Variants in DRC1 observed in about 807,000 individuals in gnomAD.
DRC1 encodes dynein regulatory complex protein 1.
In DRC1, 74 loss-of-function variants were observed where a neutral mutation model predicts 98.7. The ratio of observed to expected loss-of-function variants is 0.75; its 90% confidence interval spans 0.62 to 0.91. The LOEUF is 0.91. Ranked by LOEUF, DRC1 falls within the 40% of genes least tolerant of loss-of-function variation. DRC1 has a pLI of 0.00. For missense variants in DRC1, 875 were observed against 886.0 expected (o/e 0.99, Z 0.16); for synonymous variants, 336 against 334.1 (o/e 1.01, Z -0.06).
intron 1 of DRC1, among the ~76,000 whole-genome samples, 180 bp downstream of exon 1, chr2:26,402,324 C>T (rs996447524): frequency 2.0e-5 from 3 of 152,164 alleles, no homozygotes; most frequent in African/African-American, 4.8e-5. Context: ...CGAGGCGGGC[C>T]GATCACTGGA....
In DRC1 at chr2:26,450,685, A is replaced by C; in HGVS notation, c.1689+4A>C. ...CCGTTTATCTTCCAGCCTCCAGGTA[A>C]GGCAAGGTGCAGAGAGAAGAAAGCA... On this transcript the variant is annotated splice_donor_region_variant and intron_variant, in intron 13 of 16. Transcript: ENST00000288710. 6.3e-7 allele frequency: 1 copy of C among 1,588,768 alleles called. No individual in the cohort carries two copies. The highest frequency in any genetic ancestry group is 8.6e-7 in the Non-Finnish European group (1 of 1,168,568).
chr2:26,452,710 G>GA (rs1664039686), intron 13 of DRC1, among the ~76,000 whole-genome samples: 1 of 152,102 alleles, frequency 6.6e-6, no homozygotes, highest in Non-Finnish European at 1.5e-5. Context: ...AAAACTGTGG[G>GA]AAAAAACCAA....
At chr2:26,419,540 A>T (rs577980110) in intron 2 of DRC1, among the ~76,000 whole-genome samples, 2 of 152,358 alleles carry the variant, frequency 1.3e-5, no homozygotes, top group Non-Finnish European at 2.9e-5. Flanking sequence ...TTAACAAAAA[A>T]TCTAGAGTGC....
Position 26,402,116 on chromosome 2 carries a change from A to T in DRC1, c.127A>T (p.Ile43Phe). 6.2e-7 allele frequency: 1 copy of T among 1,611,176 alleles called. No individual in the cohort carries two copies. Residue 43 changes from isoleucine to phenylalanine, a missense_variant, in exon 1 of 17, where the codon ATC (isoleucine) becomes TTC (phenylalanine). Physicochemically the swap from Ile to Phe is conservative, Grantham distance 21 (BLOSUM62 0). Transcript: ENST00000288710. ...GCGCATCCAGGCCCGGCGCCTCCGCATCGCTGCGCGCTTAGAAGCCCGGAG... is the reference window on the plus strand; with the variant it reads ...GCGCATCCAGGCCCGGCGCCTCCGCTTCGCTGCGCGCTTAGAAGCCCGGAG... ...QERIQARRLR[I>F]AARLEARRRE...
At chr2:26,432,044 G>C in intron 7 of DRC1, 38 bp downstream of exon 7, 1 of 1,601,882 alleles carries the variant, frequency 6.2e-7, no homozygotes, top group Admixed American at 1.7e-5. Context: ...CCTGGGTGGC[G>C]GAGCAGATGG....
Position 26,430,834 on chromosome 2 carries a change from A to G in DRC1, c.727A>G (p.Lys243Glu), listed in dbSNP as rs1180020242. The G allele has an allele frequency of 2.5e-6, 4 of 1,614,068 alleles. No individual in the cohort carries two copies. ...AGAGCTACTGGCCAGTAATAAGAAG[A>G]AATGGGAGCAAGCCCTTCAGGCTCA... The part of the protein sequence containing the change: ...RQELLASNKK[K>E]WEQALQAHNA... The change falls in exon 6 of 17, where the codon AAA becomes GAA. Residue 243 changes from lysine (K) to glutamate (E), a missense_variant. Physicochemically the swap from Lys to Glu is moderately conservative, Grantham distance 56 (BLOSUM62 1). Transcript: ENST00000288710.
intron 7 of DRC1, among the ~76,000 whole-genome samples, chr2:26,439,331 C>T (rs1253858630): frequency 6.6e-6 from 1 of 152,156 alleles, no homozygotes; most frequent in Non-Finnish European, 1.5e-5. Context: ...TCTCATTGGT[C>T]CCATAACGGT....
At chr2:26,424,063 T>C (rs1663220015) in intron 3 of DRC1, among the ~76,000 whole-genome samples, 1 of 152,230 alleles carries the variant, frequency 6.6e-6, no homozygotes, top group South Asian at 2.1e-4. Context: ...TTTTGCTATG[T>C]GTCATTTTCT....
Position 26,424,371 on chromosome 2 carries a change from C to T in DRC1, c.457C>T (p.Leu153=). The change falls in exon 4 of 17, where the codon CTG becomes TTG. Residue 153 remains leucine, a synonymous_variant. Coordinates refer to ENST00000288710, the MANE Select transcript of DRC1 (RefSeq NM_145038.5). The part of the protein sequence containing the change: ...EGKQKRIPQE[L]WEMLNTQQLH... ...CAAGCAGAAGAGAATTCCCCAAGAG[C>T]TGTGGGAAATGCTCAATACCCAACA... The T allele has an allele frequency of 1.2e-6, 2 of 1,613,828 alleles. No homozygotes were observed. The highest frequency in any genetic ancestry group is 1.3e-5 in the African/African-American group (1 of 74,930).
At chr2:26,429,111 A>G (rs1306600157) in intron 4 of DRC1, among the ~76,000 whole-genome samples, 1 of 152,108 alleles carries the variant, frequency 6.6e-6, no homozygotes, top group Non-Finnish European at 1.5e-5. Context: ...AGCAGAGTCC[A>G]TTCCACTCCA....
At chr2:26,428,817 T>A (rs1453735442) in intron 4 of DRC1, among the ~76,000 whole-genome samples, 1 of 152,072 alleles carries the variant, frequency 6.6e-6, no homozygotes, top group Non-Finnish European at 1.5e-5. Flanking sequence ...AAATACCGTA[T>A]TATAATCCTA....
rs775449578 is a variant in DRC1 at position 26,453,559 on chromosome 2, G to C, written c.1919+10G>C. ...GTCTGAAGAAGCCTAGGTGGGCTGC[G>C]GGGCTGGAAGGCTTGCCTGAGACCA... On this transcript the variant is annotated intron_variant, in intron 14 of 16. Transcript: ENST00000288710. 3 of 1,610,324 alleles carry C rather than the reference G, an allele frequency of 1.9e-6. No homozygotes were observed. The highest frequency in any genetic ancestry group is 2.5e-6 in the Non-Finnish European group (3 of 1,177,810).
chr2:26,411,231 C>T (rs1678599494), intron 1 of DRC1, among the ~76,000 whole-genome samples: 3 of 152,216 alleles, frequency 2.0e-5, no homozygotes, highest in African/African-American at 4.8e-5. Context: ...AATACAGTAT[C>T]AGCCACATAT....
chr2:26,444,966 A>T lies in DRC1; in HGVS notation c.1396+18A>T. 1 of 1,611,902 alleles carries T rather than the reference A, an allele frequency of 6.2e-7. No individual in the cohort carries two copies. Among genetic ancestry groups the T allele is most frequent in the Non-Finnish European group, 8.5e-7 (1 of 1,178,988 alleles). ...GCGCTCAGGTGACTAGAACACTGTC[A>T]TAGAGCCTTAGAGCTGGAGGAGCCC... On this transcript the variant is annotated intron_variant, in intron 10 of 16. Transcript: ENST00000288710.
intron 1 of DRC1, among the ~76,000 whole-genome samples, chr2:26,405,649 A>G (rs1021311288): frequency 2.1e-5 from 2 of 96,420 alleles, no homozygotes; most frequent in South Asian, 3.3e-4. Flanking sequence ...TTTAAAGGCT[A>G]TATCTTTTTT....
At chr2:26,429,188 T>G (rs558290144) in intron 4 of DRC1, among the ~76,000 whole-genome samples, 329 of 1,690 alleles carry the variant, frequency 0.19, 3 homozygotes, top group Middle Eastern at 0.5. Flanking sequence ...TACAGATGAT[T>G]ATTATTATTA....
Position 26,450,085 on chromosome 2 carries a change from C to T in DRC1, c.1599C>T (p.Ser533=), listed in dbSNP as rs377416255. The part of the protein sequence containing the change: ...CYLLRLDAIF[S]ALGIESEDDL... ...TGCTGAGGCTGGATGCCATCTTCTC[C>T]GTGAGTCCAACGGGGCTGGGAGGAC... The change falls in exon 12 of 17, where the codon TCC becomes TCT. Residue 533 remains serine, a splice_region_variant and synonymous_variant. Transcript: ENST00000288710. The T allele has an allele frequency of 1.9e-5, 30 of 1,612,098 alleles. No individual in the cohort carries two copies. Among genetic ancestry groups the T allele is most frequent in the African/African-American group, 8.0e-5 (6 of 74,852 alleles).
chr2:26,417,240 T>C (rs984651111), intron 2 of DRC1, among the ~76,000 whole-genome samples: 2 of 152,196 alleles, frequency 1.3e-5, no homozygotes, highest in African/African-American at 4.8e-5. Context: ...CAGTTTTAAT[T>C]ACTGTAGCTT....
intron 4 of DRC1, among the ~76,000 whole-genome samples, chr2:26,425,502 GT>G (rs1439838587): frequency 6.6e-6 from 1 of 152,150 alleles, no homozygotes; most frequent in African/African-American, 2.4e-5. Context: ...CCTCCATACT[GT>G]TTTTTATAAT....
Sources: allele counts gnomAD v4.1 joint callset (sites outside exome capture counted in the v4.1 genomes callset), GRCh38; gene constraint gnomAD v4.1.1; transcripts MANE v1.5; gene names NCBI Gene and HGNC (gene_info 2026-07-23, HGNC 2026-07-21).